PKP1: variants seen among roughly 807,000 people sequenced by gnomAD.
PKP1 encodes plakophilin-1.
In PKP1, 27 loss-of-function variants were observed where a neutral mutation model predicts 76.4. The observed-to-expected ratio is 0.35, with a 90% CI of 0.26 to 0.49. The LOEUF (loss-of-function observed/expected upper bound fraction) is 0.49, where lower values mean the gene tolerates loss of function less well. PKP1 is among the 20% of genes least tolerant of loss of function. PKP1 has a pLI of 0.99. For missense variants in PKP1, 964 were observed against 955.2 expected (o/e 1.01, Z -0.12); for synonymous variants, 404 against 384.2 (o/e 1.05, Z -0.60).
Position 201,293,840 on chromosome 1 carries a change from C to T in PKP1, c.203-102C>T, listed in dbSNP as rs1655996549. 3.9e-6 allele frequency: 3 copies of T among 777,410 alleles called. No individual in the cohort carries two copies. In the South Asian group the frequency reaches 4.4e-5, roughly 11 times the overall value. 48.2% of individuals were successfully genotyped at this position (777,410 alleles called of 1,614,324 possible). A position where few individuals can be genotyped will look rare whatever the true frequency, so the allele number is the denominator to read the frequency against. ...TCCAGGAGCTCAGACCTGGTCTCCT[C>T]CATGGGCATAGTGGACCTGGATGCA... On this transcript the variant is annotated intron_variant, in intron 1 of 13. Coordinates refer to ENST00000367324, the MANE Select transcript of PKP1 (RefSeq NM_001005337.3).
At chr1:201,326,706 G>T (rs1415934622) in intron 12 of PKP1, among the ~76,000 whole-genome samples, 16 of 152,202 alleles carry the variant, frequency 1.1e-4, no homozygotes. Flanking sequence ...GGTGGTGTGG[G>T]CCCTGGCAGA....
chr1:201,324,903 T>G (rs1657066083), intron 10 of PKP1, 38 bp from the exon 11 acceptor site: 15 of 1,593,412 alleles, frequency 9.4e-6, no homozygotes, highest in Non-Finnish European at 1.2e-5. Flanking sequence ...CCTTCCCCAG[T>G]CATCCTGACC....
chr1:201,313,669 C>A, intron 3 of PKP1, 109 bp downstream of exon 3: 1 of 1,198,962 alleles, frequency 8.3e-7, no homozygotes, highest in Non-Finnish European at 1.2e-6. Flanking sequence ...AGAGACATAG[C>A]TTCTGTCCCT....
rs775266106 is a variant in PKP1 at position 201,320,355 on chromosome 1, G to A, written c.1321G>A (p.Val441Ile). The change falls in exon 7 of 14, where the codon GTA (valine) becomes ATA (isoleucine). Residue 441 changes from valine (V) to isoleucine (I), a missense_variant. By Grantham distance (29) the Val-to-Ile change is conservative. Transcript: ENST00000367324. ...CCTCATGGCCTATGTCCAGAACTGT[G>A]TAGCGGCCAGCCGCTGTGACGACAA... ...DSLMAYVQNC[V>I]AASRCDDKSV... 4 of 1,613,390 alleles carry A rather than the reference G, an allele frequency of 2.5e-6. No individual in the cohort carries two copies. Among genetic ancestry groups the A allele is most frequent in the Non-Finnish European group, 3.4e-6 (4 of 1,179,378 alleles).
At chr1:201,303,702 G>A (rs1029795357) in intron 2 of PKP1, among the ~76,000 whole-genome samples, 19 of 152,144 alleles carry the variant, frequency 1.2e-4, no homozygotes, top group African/African-American at 4.1e-4. Context: ...CTTTCTCCCT[G>A]TGGTAATCAA....
intron 1 of PKP1, among the ~76,000 whole-genome samples, chr1:201,292,146 G>A (rs1323540177): frequency 3.3e-5 from 5 of 152,182 alleles, no homozygotes; most frequent in Non-Finnish European, 7.3e-5. Context: ...CAAACGAGGC[G>A]GTAGTGTGGC....
intron 6 of PKP1, 115 bp downstream of exon 6, chr1:201,318,910 T>C: frequency 1.1e-6 from 1 of 881,914 alleles, no homozygotes; most frequent in African/African-American, 1.7e-5. Flanking sequence ...AACCCGGCAC[T>C]CCCTCTTATG....
At chr1:201,320,665 A>G (rs568303848) in intron 7 of PKP1, among the ~76,000 whole-genome samples, 55 of 152,350 alleles carry the variant, frequency 3.6e-4, no homozygotes, top group South Asian at 1.4e-3. Context: ...GGTCATAATC[A>G]TATCAACCTC....
intron 2 of PKP1, among the ~76,000 whole-genome samples, chr1:201,299,374 G>C (rs181846397): frequency 6.6e-6 from 1 of 152,324 alleles, no homozygotes; most frequent in East Asian, 1.9e-4. Flanking sequence ...TACCAGATCA[G>C]CAGTGGGAGG....
rs539975753 is a variant in PKP1 at position 201,319,217 on chromosome 1, A to G, written c.1232+422A>G. 1.6e-4 allele frequency among the ~76,000 whole-genome samples: 24 copies of G among 152,326 alleles called. No homozygotes were observed. In the South Asian group the frequency reaches 2.7e-3, roughly 17 times the overall value. The stretch of plus-strand genomic sequence containing the variant: ...GGTGTTAAAACCATTTGCCATGTTC[A>G]TTGGCATGAAGATGGCACTGCTTCA... On this transcript the variant is annotated intron_variant, in intron 6 of 13. Coordinates refer to ENST00000367324, the MANE Select transcript of PKP1 (RefSeq NM_001005337.3).
At chr1:201,316,745 G>T in intron 4 of PKP1, 48 bp downstream of exon 4, 1 of 1,607,082 alleles carries the variant, frequency 6.2e-7, no homozygotes. Flanking sequence ...GGAGGGCCTG[G>T]GTGTGTCAGC....
At chr1:201,302,742 C>A (rs937598427) in intron 2 of PKP1, among the ~76,000 whole-genome samples, 1 of 152,202 alleles carries the variant, frequency 6.6e-6, no homozygotes, top group African/African-American at 2.4e-5. Context: ...AGCTCTAGAC[C>A]CGGAGCCCCT....
chr1:201,286,349 G>A (rs2102403809), intron 1 of PKP1, among the ~76,000 whole-genome samples: 1 of 152,234 alleles, frequency 6.6e-6, no homozygotes, highest in African/African-American at 2.4e-5. Flanking sequence ...GTTAAGAAGG[G>A]CCAACCATAC....
chr1:201,296,419 G>A (rs996036254), intron 2 of PKP1, among the ~76,000 whole-genome samples: 6 of 152,218 alleles, frequency 3.9e-5, no homozygotes, highest in African/African-American at 1.4e-4. Flanking sequence ...CCCCTCTGGT[G>A]AAACCAATAT....
chr1:201,301,989 G>A (rs1466703510), intron 2 of PKP1, among the ~76,000 whole-genome samples: 1 of 152,184 alleles, frequency 6.6e-6, no homozygotes, highest in East Asian at 1.9e-4. Flanking sequence ...GGACATCTGG[G>A]GAGGGGGTCT....
chr1:201,322,327 G>A (rs1168591625), intron 8 of PKP1, among the ~76,000 whole-genome samples, 194 bp downstream of exon 8: 1 of 152,204 alleles, frequency 6.6e-6, no homozygotes, highest in African/African-American at 2.4e-5. Flanking sequence ...CTTGCACAAG[G>A]GGGAATCTGT....
chr1:201,289,250 A>T (rs977421000), intron 1 of PKP1, among the ~76,000 whole-genome samples: 2 of 152,064 alleles, frequency 1.3e-5, no homozygotes, highest in Non-Finnish European at 1.5e-5. Flanking sequence ...TTAAATTCCT[A>T]TTGCTGTGGG....
chr1:201,327,441 T>A (rs887711526), intron 12 of PKP1, among the ~76,000 whole-genome samples: 2 of 152,176 alleles, frequency 1.3e-5, no homozygotes, highest in East Asian at 3.8e-4. Context: ...GTTCTCCATG[T>A]GACAATCCAG....
At chr1:201,301,414 A>G (rs1656226667) in intron 2 of PKP1, among the ~76,000 whole-genome samples, 1 of 152,158 alleles carries the variant, frequency 6.6e-6, no homozygotes, top group South Asian at 2.1e-4. Context: ...ACTAATCAAC[A>G]ACTAATCTTC....
Sources: gnomAD v4.1 joint callset for allele counts (sites outside exome capture counted in the v4.1 genomes callset) on GRCh38, gnomAD v4.1.1 for gene constraint, MANE v1.5 for transcripts, NCBI Gene and HGNC (gene_info 2026-07-23, HGNC 2026-07-21) for gene names.